Variants in FBXL7 observed in about 807,000 individuals in gnomAD.
FBXL7 encodes the protein F-box and leucine rich repeat protein 7.
In FBXL7, 12 loss-of-function variants were observed where a neutral mutation model predicts 38.3. The observed-to-expected ratio is 0.31, with a 90% CI of 0.20 to 0.51. The LOEUF (loss-of-function observed/expected upper bound fraction) is 0.51, where lower values mean the gene tolerates loss of function less well. FBXL7 is among the 20% of genes least tolerant of loss of function. The pLI is 0.98. For synonymous variants in FBXL7, 297 were observed against 300.9 expected (o/e 0.99, Z 0.13); for missense variants, 567 against 676.4 (o/e 0.84, Z 1.79).
intron 2 of FBXL7, among the ~76,000 whole-genome samples, chr5:15,899,100 T>C (rs10077089): frequency 0.92 from 139,422 of 152,168 alleles, 63,955 homozygotes; most frequent in African/African-American, 0.96. Flanking sequence ...GAGTTTTGCT[T>C]TTGTTGCCCA....
chr5:15,818,743 T>TGTGA lies in FBXL7; in HGVS notation c.128-109146_128-109145insTGAG, dbSNP rs1394101097. On this transcript the variant is annotated intron_variant, in intron 2 of 3. Coordinates refer to ENST00000504595, the MANE Select transcript of FBXL7 (RefSeq NM_012304.5). ...GTGTGTGTGTGTGTGTGTGTGTGTG[T>TGTGA]GAGAGAGAGAGAGATTTAAAATTCC... Among the ~76,000 whole-genome samples, 233 of 39,546 alleles carry TGTGA rather than the reference T, an allele frequency of 5.9e-3. 1 individual carries two copies. The highest frequency in any genetic ancestry group is 0.011 in the Non-Finnish European group (160 of 14,302). 25.9% of individuals were successfully genotyped at this position (39,546 alleles called of 152,430 possible). A position where few individuals can be genotyped will look rare whatever the true frequency, so the allele number is the denominator to read the frequency against.
intron 1 of FBXL7, among the ~76,000 whole-genome samples, chr5:15,552,532 G>C (rs1000237366): frequency 6.6e-6 from 1 of 152,158 alleles, no homozygotes; most frequent in Non-Finnish European, 1.5e-5. Context: ...TTCAGAGACA[G>C]TCTCATCCTG....
intron 2 of FBXL7, among the ~76,000 whole-genome samples, chr5:15,744,291 G>C (rs1471373260): frequency 6.6e-6 from 1 of 152,130 alleles, no homozygotes; most frequent in African/African-American, 2.4e-5. Context: ...TCTTCTGCCA[G>C]GTACCCTAAA....
intron 2 of FBXL7, among the ~76,000 whole-genome samples, chr5:15,697,897 C>T (rs1579386975): frequency 1.3e-5 from 2 of 152,146 alleles, no homozygotes; most frequent in Admixed American, 6.5e-5. Context: ...ATGTTATTTT[C>T]CAAAATTGGC....
chr5:15,522,034 G>A (rs975513417), intron 1 of FBXL7, among the ~76,000 whole-genome samples: 6 of 152,196 alleles, frequency 3.9e-5, no homozygotes, highest in Non-Finnish European at 7.3e-5. Flanking sequence ...CACTCACTCT[G>A]GGGCAAGTGC....
At chr5:15,870,051 A>G (rs1222401460) in intron 2 of FBXL7, among the ~76,000 whole-genome samples, 2 of 152,164 alleles carry the variant, frequency 1.3e-5, no homozygotes, top group African/African-American at 4.8e-5. Context: ...TTAAGGATAT[A>G]GTGATCCGCG....
chr5:15,799,815 C>T lies in FBXL7; in HGVS notation c.128-128075C>T, dbSNP rs541225615. On this transcript the variant is annotated intron_variant, in intron 2 of 3. Transcript: ENST00000504595. ...GTTCCATCATCTGGCAAAATGTACT[C>T]TCTTGGGGTTTCATTGGTAGGTCAT... Among the ~76,000 whole-genome samples, 14 of 152,180 alleles carry T rather than the reference C, an allele frequency of 9.2e-5. No individual in the cohort carries two copies. In the East Asian group the frequency reaches 2.7e-3, roughly 29 times the overall value.
Position 15,939,113 on chromosome 5 carries a change from G to A in FBXL7, c.*1927G>A. 2.5e-6 allele frequency: 1 copy of A among 398,956 alleles called. No individual in the cohort carries two copies. The highest frequency in any genetic ancestry group is 1.3e-4 in the South Asian group (1 of 7,838). The allele number at this position is 398,956 out of a possible 1,614,324, so 24.7% of individuals were successfully genotyped here. ...AGTGTGATGAGGTGGTGTCTGCCCA[G>A]GAGGTTTCTTTCAAACATCATGGCC... On this transcript the variant is annotated 3_prime_UTR_variant, in exon 4 of 4. Coordinates refer to ENST00000504595, the MANE Select transcript of FBXL7 (RefSeq NM_012304.5).
intron 2 of FBXL7, among the ~76,000 whole-genome samples, chr5:15,876,227 C>T (rs1432489445): frequency 2.0e-5 from 3 of 151,746 alleles, no homozygotes; most frequent in East Asian, 3.9e-4. Flanking sequence ...GGGAAGGGAA[C>T]ATCGCACATG....
In FBXL7 at chr5:15,886,496, G is replaced by GT. The variant is rs541204636; in HGVS notation, c.128-41388dup. ...GCATTTCCTTTCTCAGAAGTACACT[G>GT]TTTTTTCCTTAAAAAGCAACCCCAA... On this transcript the variant is annotated intron_variant, in intron 2 of 3. Coordinates refer to ENST00000504595, the MANE Select transcript of FBXL7 (RefSeq NM_012304.5). Among the ~76,000 whole-genome samples, 183 of 152,248 alleles carry GT rather than the reference G, an allele frequency of 1.2e-3. 2 individuals carry two copies. The highest frequency in any genetic ancestry group is 4.3e-3 in the African/African-American group (180 of 41,550).
intron 2 of FBXL7, among the ~76,000 whole-genome samples, chr5:15,906,209 G>C (rs1054271458): frequency 4.0e-5 from 6 of 151,662 alleles, no homozygotes; most frequent in Non-Finnish European, 4.4e-5. Context: ...TTATTGAGGA[G>C]CTTTACACAT....
At chr5:15,864,355 A>C (rs1739612763) in intron 2 of FBXL7, among the ~76,000 whole-genome samples, 1 of 152,162 alleles carries the variant, frequency 6.6e-6, no homozygotes, top group African/African-American at 2.4e-5. Flanking sequence ...GTGGTTCTCT[A>C]TCAGTGCCTA....
At chr5:15,532,010 G>C (rs1231708249) in intron 1 of FBXL7, among the ~76,000 whole-genome samples, 2 of 152,188 alleles carry the variant, frequency 1.3e-5, no homozygotes, top group African/African-American at 4.8e-5. Flanking sequence ...ATTTTAGTGA[G>C]AATATCATAG....
chr5:15,799,641 C>G (rs142983037), intron 2 of FBXL7, among the ~76,000 whole-genome samples: 2,077 of 152,244 alleles, frequency 0.014, 135 homozygotes, highest in Admixed American at 0.11. Flanking sequence ...GGATTACAGG[C>G]GTGAGCCACC....
chr5:15,582,455 A>G (rs1211126837), intron 1 of FBXL7, among the ~76,000 whole-genome samples: 1 of 152,218 alleles, frequency 6.6e-6, no homozygotes, highest in African/African-American at 2.4e-5. Flanking sequence ...GGGTAACTAC[A>G]TATATGCCAC....
chr5:15,856,407 G>A (rs900899625), intron 2 of FBXL7, among the ~76,000 whole-genome samples: 2 of 152,034 alleles, frequency 1.3e-5, no homozygotes, highest in African/African-American at 4.8e-5. Context: ...GAGGGTGGAA[G>A]GTGGGAGGTG....
At chr5:15,890,237 G>C (rs1466112263) in intron 2 of FBXL7, among the ~76,000 whole-genome samples, 1 of 151,846 alleles carries the variant, frequency 6.6e-6, no homozygotes, top group African/African-American at 2.4e-5. Context: ...GATCAGCAGG[G>C]GCATTTGATT....
At chr5:15,853,438 A>C (rs1189495687) in intron 2 of FBXL7, among the ~76,000 whole-genome samples, 1 of 152,144 alleles carries the variant, frequency 6.6e-6, no homozygotes, top group Admixed American at 6.5e-5. Context: ...GGCTGGGTAG[A>C]GACCTCGAGT....
At chr5:15,593,615 A>G (rs183092232) in intron 1 of FBXL7, among the ~76,000 whole-genome samples, 1 of 152,302 alleles carries the variant, frequency 6.6e-6, no homozygotes, top group African/African-American at 2.4e-5. Flanking sequence ...AGCACTTAAT[A>G]GCTGATTTTC....
Sources: gnomAD v4.1 joint callset for allele counts (sites outside exome capture counted in the v4.1 genomes callset) on GRCh38, gnomAD v4.1.1 for gene constraint, MANE v1.5 for transcripts, NCBI Gene and HGNC (gene_info 2026-07-23, HGNC 2026-07-21) for gene names.